ITPR1: variants seen among roughly 807,000 people sequenced by gnomAD.
ITPR1 encodes the protein inositol 1,4,5-trisphosphate-gated calcium channel ITPR1.
Under a neutral mutation model 318.4 loss-of-function variants are expected in ITPR1, and 96 were observed. The ratio of observed to expected loss-of-function variants is 0.30; its 90% CI spans 0.26 to 0.36. ITPR1 has a LOEUF of 0.36. Ranked by LOEUF, ITPR1 falls within the 10% of genes least tolerant of loss-of-function variation. ITPR1 has a pLI of 1.00. For synonymous variants in ITPR1, 1,312 were observed against 1,289.9 expected, an observed-to-expected ratio of 1.02 and a Z score of -0.37; for missense variants, 2,440 against 3,460.2, an observed-to-expected ratio of 0.71 and a Z score of 7.40.
intron 44 of ITPR1, among the ~76,000 whole-genome samples, chr3:4,744,636 T>C (rs2043948361): frequency 2.6e-5 from 4 of 152,248 alleles, no homozygotes; most frequent in African/African-American, 7.2e-5. Flanking sequence ...ATTTGGCCCT[T>C]TGGAAAAATG....
chr3:4,791,235 G>C (rs1037042281), intron 52 of ITPR1, among the ~76,000 whole-genome samples: 1 of 152,134 alleles, frequency 6.6e-6, no homozygotes. Context: ...CAGGTATATT[G>C]ATCCAACCAA....
At chr3:4,539,932 A>G (rs1329825052) in intron 4 of ITPR1, among the ~76,000 whole-genome samples, 1 of 150,966 alleles carries the variant, frequency 6.6e-6, no homozygotes, top group Admixed American at 6.6e-5. Context: ...TTCCTTACAA[A>G]TTACCCAGTT....
At position 4,569,846 on chromosome 3, in the gene ITPR1, T is replaced by G. The variant is rs375466250; in HGVS notation, c.163+48752T>G. ...AGCAGTGGTTTTTGAAGAGCAGTTG[T>G]TGAATGCATTTATGCATATTTAATT... On this transcript the variant is annotated intron_variant, in intron 4 of 61. Transcript: ENST00000649015. 1.8e-4 allele frequency among the ~76,000 whole-genome samples: 28 copies of G among 152,338 alleles called. No individual in the cohort carries two copies. In the South Asian group the frequency reaches 5.2e-3, roughly 28 times the overall value.
chr3:4,617,442 C>T (rs1261558610), intron 4 of ITPR1, among the ~76,000 whole-genome samples: 1 of 152,018 alleles, frequency 6.6e-6, no homozygotes, highest in African/African-American at 2.4e-5. Flanking sequence ...ACAAAAGAGC[C>T]AAGAGAGAGA....
chr3:4,618,848 C>T (rs996652643), intron 4 of ITPR1, among the ~76,000 whole-genome samples: 7 of 152,216 alleles, frequency 4.6e-5, no homozygotes, highest in African/African-American at 1.7e-4. Flanking sequence ...GCATATTAAG[C>T]ATACTGTCTC....
In ITPR1 at chr3:4,662,206, A is replaced by C; in HGVS notation, c.1376A>C (p.Lys459Thr). ...ASKVLGSIAGKLEKGTITQNE... is the reference protein window; with the variant it reads ...ASKVLGSIAGTLEKGTITQNE... ...AAGGTGCTGGGCTCCATTGCTGGGA[A>C]GCTAGAGAAGGGCACCATCACCCAG... Residue 459 changes from lysine to threonine, a missense_variant, in exon 15 of 62, where the codon AAG (lysine) becomes ACG (threonine). Coordinates refer to ENST00000649015, the MANE Select transcript of ITPR1 (RefSeq NM_001378452.1). 1.2e-6 allele frequency: 2 copies of C among 1,612,182 alleles called. No individual in the cohort carries two copies. Among genetic ancestry groups the C allele is most frequent in the Admixed American group, 1.7e-5 (1 of 59,904 alleles).
chr3:4,777,343 A>C lies in ITPR1; in HGVS notation c.6260A>C (p.Lys2087Thr). The C allele has an allele frequency of 1.2e-6, 2 of 1,603,898 alleles. No individual in the cohort carries two copies. The change falls in exon 48 of 62, where the codon AAG becomes ACG. Residue 2087 changes from lysine to threonine, a missense_variant. This residue lies in a region of ITPR1 where 76 missense variants were observed against 162.1 expected (regional missense o/e 0.47). Coordinates refer to ENST00000649015, the MANE Select transcript of ITPR1 (RefSeq NM_001378452.1). ...CTCAATGATATCAATCCTTTGGGAA[A>C]GAAGAGGATGGACCTTGTGTTAGAA... is the stretch of plus-strand genomic sequence containing the variant. The part of the protein sequence containing the change: ...LILNDINPLG[K>T]KRMDLVLELK...
At chr3:4,824,618 G>C (rs776729058) in intron 60 of ITPR1, among the ~76,000 whole-genome samples, 1 of 152,118 alleles carries the variant, frequency 6.6e-6, no homozygotes, top group African/African-American at 2.4e-5. Flanking sequence ...GACCCCGAGT[G>C]ATACTGAATT....
chr3:4,732,904 T>C (rs535003601), intron 42 of ITPR1, among the ~76,000 whole-genome samples, 184 bp from the exon 43 acceptor site: 1 of 152,238 alleles, frequency 6.6e-6, no homozygotes, highest in South Asian at 2.1e-4. Flanking sequence ...TTAAAAAACA[T>C]CTGGTTTTCT....
chr3:4,634,706 C>G (rs1320116382), intron 5 of ITPR1, among the ~76,000 whole-genome samples: 1 of 152,152 alleles, frequency 6.6e-6, no homozygotes, highest in African/African-American at 2.4e-5. Context: ...CTCTCCTACC[C>G]CCTATTCTGT....
intron 4 of ITPR1, among the ~76,000 whole-genome samples, chr3:4,561,158 C>T (rs1368414346): frequency 1.3e-5 from 2 of 152,112 alleles, no homozygotes; most frequent in East Asian, 1.9e-4. Flanking sequence ...AGTGCTGAGT[C>T]GTTTTGAATA....
chr3:4,838,552 A>C (rs1348733661), intron 61 of ITPR1, among the ~76,000 whole-genome samples: 1 of 152,232 alleles, frequency 6.6e-6, no homozygotes, highest in Non-Finnish European at 1.5e-5. Flanking sequence ...GTGCCAAAAA[A>C]TCTTACAGAC....
chr3:4,534,689 T>C (rs1390174515), intron 4 of ITPR1, among the ~76,000 whole-genome samples: 1 of 152,200 alleles, frequency 6.6e-6, no homozygotes, highest in East Asian at 1.9e-4. Context: ...ATTTGGGTGC[T>C]TCTGAAATGT....
At chr3:4,760,894 T>A (rs747196710) in intron 44 of ITPR1, among the ~76,000 whole-genome samples, 2 of 152,214 alleles carry the variant, frequency 1.3e-5, no homozygotes, top group Non-Finnish European at 2.9e-5. Flanking sequence ...AGGTCGGTGA[T>A]TAGCAGCTTT....
chr3:4,724,994 C>T (rs973304338), intron 40 of ITPR1, among the ~76,000 whole-genome samples: 3 of 152,124 alleles, frequency 2.0e-5, no homozygotes, highest in Non-Finnish European at 2.9e-5. Flanking sequence ...AGGGAGACTG[C>T]ATCCCCTAAG....
intron 61 of ITPR1, among the ~76,000 whole-genome samples, chr3:4,837,983 C>T (rs899129198): frequency 6.6e-6 from 1 of 152,158 alleles, no homozygotes; most frequent in Non-Finnish European, 1.5e-5. Flanking sequence ...GCAAGGTACA[C>T]CCACGGGTGA....
chr3:4,777,866 T>G (rs1400907712), intron 48 of ITPR1, among the ~76,000 whole-genome samples: 1 of 152,170 alleles, frequency 6.6e-6, no homozygotes. Context: ...TGTCACTGAT[T>G]TAGCAGAAGG....
At chr3:4,740,692 A>AATGGGT (rs1442160586) in intron 44 of ITPR1, among the ~76,000 whole-genome samples, 59 of 152,248 alleles carry the variant, frequency 3.9e-4, no homozygotes, top group African/African-American at 1.2e-3. Flanking sequence ...CAATGGTGAT[A>AATGGGT]ACATCTGAGG....
chr3:4,811,247 TTTTG>T lies in ITPR1; in HGVS notation c.7273-10_7273-7del, dbSNP rs756874448. On this transcript the variant is annotated splice_polypyrimidine_tract_variant and intron_variant, in intron 55 of 61. Coordinates refer to ENST00000649015, the MANE Select transcript of ITPR1 (RefSeq NM_001378452.1). ...TAACATCAAGGCTTCTTAAAATTCTTTTTGTTTGTTTTCAAAGCTTTTTGATTTA... is the reference window on the plus strand; with the variant it reads ...TAACATCAAGGCTTCTTAAAATTCTTTTTGTTTTCAAAGCTTTTTGATTTA... 6.8e-5 allele frequency: 104 copies of T among 1,518,918 alleles called. No homozygotes were observed. In the East Asian group the frequency reaches 1.9e-3, roughly 28 times the overall value. 94.1% of individuals were successfully genotyped at this position (1,518,918 alleles called of 1,614,324 possible). A position where few individuals can be genotyped will look rare whatever the true frequency, so the allele number is the denominator to read the frequency against.
Sources: gnomAD v4.1 joint callset for allele counts (sites outside exome capture counted in the v4.1 genomes callset) on GRCh38, gnomAD v4.1.1 for gene constraint, gnomAD v4.1.1 regional missense constraint, MANE v1.5 for transcripts, NCBI Gene and HGNC (gene_info 2026-07-23, HGNC 2026-07-21) for gene names.